The following RELN variants were observed in gnomAD, a reference collection of about 807,000 sequenced individuals.
RELN encodes the protein reelin.
A neutral mutation model predicts 427.6 loss-of-function variants in RELN; 108 were observed. The ratio of observed to expected loss-of-function variants is 0.25; its 90% CI spans 0.22 to 0.30. The LOEUF is 0.30. Ranked by LOEUF, RELN falls within the 10% of genes least tolerant of loss-of-function variation. The probability of loss-of-function intolerance (pLI) is 1.00; values close to 1 mark genes in which losing one functional copy is unlikely to be tolerated. For missense variants in RELN, 3,715 were observed against 4,302.8 expected (o/e 0.86, Z 3.82); for synonymous variants, 1,524 against 1,513.4 (o/e 1.01, Z -0.16).
At chr7:103,483,556 A>G (rs1341134974) in intron 62 of RELN, 97 bp downstream of exon 62, 7 of 1,290,090 alleles carry the variant, frequency 5.4e-6, no homozygotes, top group Admixed American at 5.0e-5. Context: ...GCATTGGTGC[A>G]TTAACTTTAC....
chr7:103,737,378 A>C (rs934301846), intron 6 of RELN, among the ~76,000 whole-genome samples: 22 of 152,300 alleles, frequency 1.4e-4, no homozygotes, highest in Middle Eastern at 3.4e-3. Context: ...CATCAGTCTT[A>C]CTTCTTTCTG....
At chr7:103,677,987 T>C (rs2115673142) in intron 11 of RELN, among the ~76,000 whole-genome samples, 1 of 152,208 alleles carries the variant, frequency 6.6e-6, no homozygotes, top group Middle Eastern at 3.4e-3. Flanking sequence ...GGTCACTTTC[T>C]TGTTTTTTAG....
chr7:103,889,947 T>C (rs1413261491), intron 2 of RELN, among the ~76,000 whole-genome samples: 1 of 152,178 alleles, frequency 6.6e-6, no homozygotes, highest in African/African-American at 2.4e-5. Flanking sequence ...AGTTTTAGTG[T>C]GGAGTTCTCT....
At chr7:103,480,103 G>A (rs567515905) in intron 63 of RELN, among the ~76,000 whole-genome samples, 2 of 152,256 alleles carry the variant, frequency 1.3e-5, no homozygotes, top group African/African-American at 4.8e-5. Context: ...GCCTCAGTCT[G>A]CTCCTCTCCC....
At chr7:103,880,671 G>A (rs1016913957) in intron 2 of RELN, among the ~76,000 whole-genome samples, 19 of 152,066 alleles carry the variant, frequency 1.2e-4, no homozygotes, top group African/African-American at 4.6e-4. Flanking sequence ...GGCCTAATAA[G>A]CACTTAATAA....
chr7:103,624,508 C>A (rs1282386564), intron 20 of RELN, among the ~76,000 whole-genome samples: 1 of 152,164 alleles, frequency 6.6e-6, no homozygotes, highest in Non-Finnish European at 1.5e-5. Context: ...CTCACTGCAA[C>A]CTCTGCCTCC....
intron 3 of RELN, among the ~76,000 whole-genome samples, chr7:103,827,655 G>A (rs1793175693): frequency 6.6e-6 from 1 of 151,916 alleles, no homozygotes; most frequent in South Asian, 2.1e-4. Flanking sequence ...AGGGGCTTAT[G>A]GGGAAGTGAG....
rs368468964 is a variant in RELN at position 103,566,292 on chromosome 7, A to G, written c.4868T>C (p.Ile1623Thr). Residue 1623 changes from isoleucine to threonine, a missense_variant, in exon 33 of 65, where the codon ATC becomes ACC. Physicochemically the swap from Ile to Thr is moderately conservative, Grantham distance 89. Transcript: ENST00000428762. ...GTCAATATCAACTTGACCTCCTTGGATTCGATACCAGTTGGCTTGCAAATC... is the reference window on the plus strand; with the variant it reads ...GTCAATATCAACTTGACCTCCTTGGGTTCGATACCAGTTGGCTTGCAAATC... The part of the protein sequence containing the change: ...SIDLQANWYR[I>T]QGGQVDIDCL... The G allele has an allele frequency of 3.1e-6, 5 of 1,613,926 alleles. No individual in the cohort carries two copies. In the African/African-American group the frequency reaches 6.7e-5, roughly 22 times the overall value.
intron 3 of RELN, among the ~76,000 whole-genome samples, chr7:103,808,212 A>G (rs1453628136): frequency 6.8e-6 from 1 of 148,136 alleles, no homozygotes; most frequent in Non-Finnish European, 1.5e-5. Context: ...AAACCTTTCT[A>G]TGGACACATG....
intron 16 of RELN, among the ~76,000 whole-genome samples, chr7:103,643,888 T>C (rs908965874): frequency 6.6e-6 from 1 of 152,006 alleles, no homozygotes; most frequent in African/African-American, 2.4e-5. Flanking sequence ...AATACAGGCA[T>C]GTGCCATGCC....
intron 20 of RELN, among the ~76,000 whole-genome samples, chr7:103,618,572 C>T (rs1832138638): frequency 6.6e-6 from 1 of 152,188 alleles, no homozygotes; most frequent in African/African-American, 2.4e-5. Context: ...AATACATGTA[C>T]TTCTCAGCAT....
At chr7:103,717,249 C>T (rs78782488) in intron 8 of RELN, among the ~76,000 whole-genome samples, 14,727 of 150,508 alleles carry the variant, frequency 0.098, 793 homozygotes, top group East Asian at 0.16. Context: ...TAAGCTAGGG[C>T]TTAAGAATTT....
At chr7:103,584,121 C>G (rs952290489) in intron 28 of RELN, among the ~76,000 whole-genome samples, 2 of 152,248 alleles carry the variant, frequency 1.3e-5, no homozygotes, top group African/African-American at 4.8e-5. Flanking sequence ...CCCAAAGGTA[C>G]TGCAAGGTCC....
At chr7:103,723,035 T>C in intron 8 of RELN, 105 bp downstream of exon 8, 1 of 727,000 alleles carries the variant, frequency 1.4e-6, no homozygotes, top group African/African-American at 1.8e-5. Flanking sequence ...TAAGACTTAC[T>C]ATTCTGTAAA....
At chr7:103,848,246 C>A (rs934489548) in intron 2 of RELN, among the ~76,000 whole-genome samples, 1 of 152,092 alleles carries the variant, frequency 6.6e-6, no homozygotes, top group South Asian at 2.1e-4. Context: ...TGTTTGAGAG[C>A]AGGAGAAACA....
intron 1 of RELN, among the ~76,000 whole-genome samples, chr7:103,957,307 A>G (rs866650642): frequency 2.0e-5 from 3 of 152,354 alleles, no homozygotes; most frequent in Middle Eastern, 3.4e-3. Context: ...CTGAATGAAA[A>G]TGAGTGGTGT....
In RELN at chr7:103,510,833, A is replaced by C; in HGVS notation, c.8274+18T>G. ...CTAATGTATGGTTGTTTATATAATC[A>C]AGATCATAACATTTCACCTTGAATT... On this transcript the variant is annotated intron_variant, in intron 51 of 64. Transcript: ENST00000428762. The C allele has an allele frequency of 6.2e-7, 1 of 1,600,536 alleles. No individual in the cohort carries two copies. The highest frequency in any genetic ancestry group is 8.6e-7 in the Non-Finnish European group (1 of 1,167,786).
intron 2 of RELN, among the ~76,000 whole-genome samples, chr7:103,863,827 T>C (rs994608186): frequency 1.3e-5 from 2 of 152,092 alleles, no homozygotes; most frequent in Non-Finnish European, 2.9e-5. Flanking sequence ...CAATTTTTTT[T>C]TTTTTAGAAA....
chr7:103,711,769 G>A lies in RELN; in HGVS notation c.806-10763C>T, dbSNP rs143539621. On this transcript the variant is annotated intron_variant, in intron 8 of 64. Coordinates refer to ENST00000428762, the MANE Select transcript of RELN (RefSeq NM_005045.4). ...CCTCCTGGGCTCAAGGAATCCTCTC[G>A]CCTCAGCCTCCCAAGTAGCTGGGAT... Among the ~76,000 whole-genome samples the A allele has an allele frequency of 4.1e-3, 629 of 152,174 alleles. 4 individuals carry two copies. The highest frequency in any genetic ancestry group is 0.014 in the African/African-American group (583 of 41,508).
Sources: allele counts gnomAD v4.1 joint callset (sites outside exome capture counted in the v4.1 genomes callset), GRCh38; gene constraint gnomAD v4.1.1; transcripts MANE v1.5; gene names NCBI Gene and HGNC (gene_info 2026-07-23, HGNC 2026-07-21).